DIAPH3: variants seen among roughly 807,000 people sequenced by gnomAD.
DIAPH3 encodes protein diaphanous homolog 3.
In DIAPH3, 117 loss-of-function variants were observed where a neutral mutation model predicts 144.3. The ratio of observed to expected loss-of-function variants is 0.81; its 90% confidence interval spans 0.70 to 0.95. The LOEUF is 0.95. Among genes scored for constraint, DIAPH3 ranks in the 40% least tolerant of loss-of-function variants. The pLI is 0.00. For missense variants in DIAPH3, 1,421 were observed against 1,412.7 expected, an observed-to-expected ratio of 1.01 and a Z score of -0.09; for synonymous variants, 519 against 488.9, an observed-to-expected ratio of 1.06 and a Z score of -0.81.
intron 17 of DIAPH3, among the ~76,000 whole-genome samples, chr13:59,938,748 T>A (rs1249529484): frequency 6.6e-6 from 1 of 152,228 alleles, no homozygotes; most frequent in Non-Finnish European, 1.5e-5. Flanking sequence ...ACTAGCAGGA[T>A]TCATTTTATA....
chr13:59,822,520 A>C (rs565523925), intron 24 of DIAPH3, among the ~76,000 whole-genome samples: 241 of 152,030 alleles, frequency 1.6e-3, no homozygotes, highest in African/African-American at 5.6e-3. Context: ...GGCTCACTGC[A>C]ACCTCCGCCT....
At chr13:59,775,415 T>C (rs1461784913) in intron 25 of DIAPH3, among the ~76,000 whole-genome samples, 1 of 152,084 alleles carries the variant, frequency 6.6e-6, no homozygotes, top group East Asian at 1.9e-4. Flanking sequence ...GCTAATTTTT[T>C]GTATTTTTAG....
At chr13:59,702,844 T>A (rs2138763864) in intron 27 of DIAPH3, among the ~76,000 whole-genome samples, 1 of 152,304 alleles carries the variant, frequency 6.6e-6, no homozygotes, top group Non-Finnish European at 1.5e-5. Flanking sequence ...ACAAGCACAC[T>A]TCTGCATTGA....
chr13:59,777,895 A>C (rs2038508881), intron 25 of DIAPH3, among the ~76,000 whole-genome samples: 1 of 152,210 alleles, frequency 6.6e-6, no homozygotes, highest in Admixed American at 6.5e-5. Flanking sequence ...GTCCCTGATT[A>C]ACCCCTGAAT....
At chr13:60,133,490 T>C (rs542557576) in intron 1 of DIAPH3, among the ~76,000 whole-genome samples, 2 of 152,158 alleles carry the variant, frequency 1.3e-5, no homozygotes, top group Non-Finnish European at 2.9e-5. Flanking sequence ...GCTGGCTTAA[T>C]TAACTTAAAC....
chr13:59,807,960 T>C (rs1830752953), intron 25 of DIAPH3, among the ~76,000 whole-genome samples: 1 of 151,910 alleles, frequency 6.6e-6, no homozygotes, highest in Admixed American at 6.6e-5. Context: ...TAGAATGCTT[T>C]TGGTAAAATT....
intron 12 of DIAPH3, among the ~76,000 whole-genome samples, chr13:59,989,902 T>G (rs930239096): frequency 1.2e-4 from 18 of 151,890 alleles, no homozygotes; most frequent in African/African-American, 4.1e-4. Flanking sequence ...GCATCAAACT[T>G]CCAGAAGACG....
intron 27 of DIAPH3, among the ~76,000 whole-genome samples, chr13:59,690,318 C>G (rs1032711192): frequency 6.6e-6 from 1 of 152,046 alleles, no homozygotes; most frequent in African/African-American, 2.4e-5. Context: ...GTTGGCTGGA[C>G]AGATGCAGAA....
chr13:60,118,349 T>C (rs958501818), intron 2 of DIAPH3, among the ~76,000 whole-genome samples: 1 of 152,194 alleles, frequency 6.6e-6, no homozygotes, highest in African/African-American at 2.4e-5. Flanking sequence ...GATTCTTTAA[T>C]TTAAAATGAA....
At chr13:59,915,616 G>T (rs977931691) in intron 19 of DIAPH3, among the ~76,000 whole-genome samples, 1 of 151,994 alleles carries the variant, frequency 6.6e-6, no homozygotes, top group African/African-American at 2.4e-5. Flanking sequence ...CATGATGCTA[G>T]TATTCATTTG....
chr13:59,752,026 T>C (rs562410506), intron 27 of DIAPH3, among the ~76,000 whole-genome samples: 3 of 152,364 alleles, frequency 2.0e-5, no homozygotes, highest in South Asian at 4.1e-4. Flanking sequence ...ACCTGGCAGA[T>C]GACAGTGGTC....
intron 27 of DIAPH3, among the ~76,000 whole-genome samples, chr13:59,701,321 C>T (rs2034101570): frequency 1.3e-5 from 2 of 152,180 alleles, no homozygotes; most frequent in Admixed American, 1.3e-4. Flanking sequence ...TCTCGCAAGC[C>T]ATCTCTGAAA....
intron 17 of DIAPH3, among the ~76,000 whole-genome samples, chr13:59,934,389 T>G (rs764290126): frequency 4.6e-5 from 7 of 152,128 alleles, no homozygotes; most frequent in Non-Finnish European, 8.8e-5. Context: ...TGAAAATAAG[T>G]ATATCTGAAT....
chr13:59,756,353 T>C (rs2037257739), intron 27 of DIAPH3, among the ~76,000 whole-genome samples: 1 of 151,576 alleles, frequency 6.6e-6, no homozygotes, highest in Non-Finnish European at 1.5e-5. Flanking sequence ...AATCTACTAA[T>C]ACCTTCACTA....
intron 27 of DIAPH3, among the ~76,000 whole-genome samples, chr13:59,752,004 C>A (rs998420360): frequency 2.0e-5 from 3 of 152,206 alleles, no homozygotes; most frequent in Non-Finnish European, 4.4e-5. Flanking sequence ...GACAATGGGG[C>A]TAGCAGGTAT....
intron 27 of DIAPH3, among the ~76,000 whole-genome samples, chr13:59,754,696 G>A (rs867383644): frequency 3.3e-5 from 5 of 152,186 alleles, no homozygotes; most frequent in African/African-American, 1.2e-4. Flanking sequence ...ATTAGTCACT[G>A]AAGAAGGTAG....
chr13:59,956,216 C>T (rs1436473926), intron 17 of DIAPH3, among the ~76,000 whole-genome samples: 1 of 152,148 alleles, frequency 6.6e-6, no homozygotes, highest in Non-Finnish European at 1.5e-5. Flanking sequence ...AATCACCAAG[C>T]CAATGGGGAA....
chr13:60,154,507 A>G (rs1263412939), intron 1 of DIAPH3, among the ~76,000 whole-genome samples: 1 of 152,200 alleles, frequency 6.6e-6, no homozygotes, highest in East Asian at 1.9e-4. Context: ...TTGAAGAATA[A>G]AATCTATGGC....
In DIAPH3 at chr13:59,827,667, A is replaced by C. The variant is rs2041522130; in HGVS notation, c.3027+5440T>G. ...GTACAGGCTTCCACCCGTACCAATT[A>C]GGAGAAGCATCACCTGGATAACAGA... On this transcript the variant is annotated intron_variant, in intron 24 of 27. Coordinates refer to ENST00000400324, the MANE Select transcript of DIAPH3 (RefSeq NM_001042517.2). Among the ~76,000 whole-genome samples the C allele has an allele frequency of 2.0e-5, 3 of 152,076 alleles. No homozygotes were observed. In the South Asian group the frequency reaches 6.2e-4, roughly 31 times the overall value.
Sources: gnomAD v4.1 joint callset for allele counts (sites outside exome capture counted in the v4.1 genomes callset) on GRCh38, gnomAD v4.1.1 for gene constraint, MANE v1.5 for transcripts, NCBI Gene and HGNC (gene_info 2026-07-23, HGNC 2026-07-21) for gene names.